CADM2: variants seen among roughly 807,000 people sequenced by gnomAD.
The protein encoded by CADM2 is cell adhesion molecule 2, also known as immunoglobulin superfamily member 4D.
Under a neutral mutation model 49.8 loss-of-function variants are expected in CADM2, and 12 were observed. The ratio of observed to expected loss-of-function variants is 0.24; its 90% CI spans 0.15 to 0.39. The LOEUF (loss-of-function observed/expected upper bound fraction) is 0.39. Among genes scored for constraint, CADM2 ranks in the 10% least tolerant of loss-of-function variants. CADM2 has a pLI of 1.00. For missense variants in CADM2, 378 were observed against 492.3 expected (o/e 0.77, Z 2.20); for synonymous variants, 214 against 175.4 (o/e 1.22, Z -1.74).
At chr3:85,170,341 A>ACTT (rs2040588933) in intron 1 of CADM2, among the ~76,000 whole-genome samples, 1 of 134,938 alleles carries the variant, frequency 7.4e-6, no homozygotes, top group Admixed American at 6.9e-5. Flanking sequence ...TCTTTTTCTA[A>ACTT]CTTTTTTTTT....
intron 2 of CADM2, among the ~76,000 whole-genome samples, chr3:85,790,426 G>T (rs973298109): frequency 1.3e-5 from 2 of 152,112 alleles, no homozygotes; most frequent in East Asian, 3.9e-4. Context: ...TAAGTTCCCT[G>T]GTCTGCTATG....
At chr3:85,839,205 A>G (rs2074533850) in intron 3 of CADM2, among the ~76,000 whole-genome samples, 1 of 151,788 alleles carries the variant, frequency 6.6e-6, no homozygotes, top group Non-Finnish European at 1.5e-5. Context: ...ATAGGGCCTG[A>G]GAGGAATAAA....
chr3:85,701,682 C>T (rs746314731), intron 1 of CADM2, among the ~76,000 whole-genome samples: 22 of 152,254 alleles, frequency 1.4e-4, no homozygotes, highest in Admixed American at 2.6e-4. Flanking sequence ...CCAACTTTTT[C>T]AGTCATTTTC....
At chr3:85,021,462 GT>G (rs2034508080) in intron 1 of CADM2, among the ~76,000 whole-genome samples, 2 of 148,550 alleles carry the variant, frequency 1.3e-5, no homozygotes, top group Admixed American at 6.9e-5. Flanking sequence ...TGTTGTTGTT[GT>G]TTTTTCCTCC....
intron 1 of CADM2, among the ~76,000 whole-genome samples, chr3:85,347,651 A>ATT (rs1336073404): frequency 7.0e-4 from 41 of 58,634 alleles, no homozygotes; most frequent in Admixed American, 1.3e-3. Flanking sequence ...ATATATATAT[A>ATT]TTTTTTTTAA....
chr3:85,648,038 G>T (rs1400995461), intron 1 of CADM2, among the ~76,000 whole-genome samples: 1 of 151,338 alleles, frequency 6.6e-6, no homozygotes, highest in Non-Finnish European at 1.5e-5. Context: ...GTTACATCTT[G>T]CCCATTAAGA....
At chr3:85,787,764 T>C (rs1173161599) in intron 2 of CADM2, among the ~76,000 whole-genome samples, 2 of 152,146 alleles carry the variant, frequency 1.3e-5, no homozygotes, top group African/African-American at 4.8e-5. Flanking sequence ...TGTCTTGCCG[T>C]TGTGTGTAGA....
intron 8 of CADM2, among the ~76,000 whole-genome samples, chr3:85,996,069 G>T (rs1412336547): frequency 6.7e-6 from 1 of 148,802 alleles, no homozygotes; most frequent in Non-Finnish European, 1.5e-5. Context: ...CAGCCTGGGC[G>T]ACAGAGCAAG....
rs189454999 is a variant in CADM2, at chr3:85,070,520, T to C, written c.61+110852T>C. On this transcript the variant is annotated intron_variant, in intron 1 of 9. Coordinates refer to ENST00000383699, the MANE Select transcript of CADM2 (RefSeq NM_001167675.2). Reference sequence around the variant, plus strand: ...ATTCTAGATTACCTTTTTAAGAGTTTCAGTTTTCAAATAAAAAATTTATTT... The same window carrying C: ...ATTCTAGATTACCTTTTTAAGAGTTCCAGTTTTCAAATAAAAAATTTATTT... Among the ~76,000 whole-genome samples, 354 of 152,272 alleles carry C rather than the reference T, an allele frequency of 2.3e-3. 2 individuals carry two copies. The highest frequency in any genetic ancestry group is 4.0e-3 in the Non-Finnish European group (273 of 68,004).
intron 1 of CADM2, among the ~76,000 whole-genome samples, chr3:84,994,588 A>G (rs1262084904): frequency 6.6e-6 from 1 of 152,136 alleles, no homozygotes; most frequent in Non-Finnish European, 1.5e-5. Flanking sequence ...GGCTTAGTTG[A>G]GTCATAATTT....
At chr3:85,329,318 C>T (rs1200069227) in intron 1 of CADM2, among the ~76,000 whole-genome samples, 3 of 151,842 alleles carry the variant, frequency 2.0e-5, no homozygotes, top group South Asian at 2.1e-4. Context: ...AGGAAGATCA[C>T]GAAGTCAGGA....
At chr3:85,697,376 A>C (rs899905945) in intron 1 of CADM2, among the ~76,000 whole-genome samples, 3 of 152,062 alleles carry the variant, frequency 2.0e-5, no homozygotes, top group African/African-American at 7.2e-5. Flanking sequence ...TTGAATCCTG[A>C]AAACGCCAGT....
At chr3:85,171,419 A>G (rs1247986745) in intron 1 of CADM2, among the ~76,000 whole-genome samples, 2 of 152,228 alleles carry the variant, frequency 1.3e-5, no homozygotes, top group African/African-American at 2.4e-5. Flanking sequence ...ATGACAAATT[A>G]TTCTAAGGAA....
chr3:85,960,469 A>G (rs1724675986), intron 7 of CADM2, among the ~76,000 whole-genome samples: 1 of 151,986 alleles, frequency 6.6e-6, no homozygotes, highest in African/African-American at 2.4e-5. Context: ...GAGGTACTAG[A>G]TGAAGCATCA....
chr3:85,006,823 C>T (rs1553667768), intron 1 of CADM2, among the ~76,000 whole-genome samples: 1 of 152,020 alleles, frequency 6.6e-6, no homozygotes, highest in Non-Finnish European at 1.5e-5. Flanking sequence ...ATCACCCATG[C>T]CTCTGTTTTA....
At chr3:85,507,195 T>TC (rs1371740358) in intron 1 of CADM2, among the ~76,000 whole-genome samples, 1 of 151,190 alleles carries the variant, frequency 6.6e-6, no homozygotes, top group Non-Finnish European at 1.5e-5. Context: ...TTTTTTTTTT[T>TC]TTTTTTGAGA....
chr3:85,772,949 C>T (rs1345664031), intron 2 of CADM2, among the ~76,000 whole-genome samples: 3 of 149,574 alleles, frequency 2.0e-5, no homozygotes, highest in Non-Finnish European at 4.4e-5. Flanking sequence ...AAAATGTGAT[C>T]ATTTTGCTGT....
chr3:85,501,777 G>A (rs1282516416), intron 1 of CADM2, among the ~76,000 whole-genome samples: 1 of 152,042 alleles, frequency 6.6e-6, no homozygotes, highest in African/African-American at 2.4e-5. Flanking sequence ...GCCAGTGGTT[G>A]CTACCAATGA....
chr3:84,984,027 A>G (rs2107147653), intron 1 of CADM2, among the ~76,000 whole-genome samples: 1 of 131,308 alleles, frequency 7.6e-6, no homozygotes, highest in South Asian at 2.4e-4. Flanking sequence ...TGGCTTCTTC[A>G]TTGTGATATA....
Sources: allele counts gnomAD v4.1 joint callset (sites outside exome capture counted in the v4.1 genomes callset), GRCh38; gene constraint gnomAD v4.1.1; transcripts MANE v1.5; gene names NCBI Gene and HGNC (gene_info 2026-07-23, HGNC 2026-07-21).